Variants in CCDC68 observed in about 807,000 individuals in gnomAD.
The protein encoded by CCDC68 is coiled-coil domain containing 68.
Under a neutral mutation model 47.1 loss-of-function variants are expected in CCDC68, and 45 were observed. That is an observed-to-expected ratio of 0.96 (90% CI 0.75 to 1.23). CCDC68 has a LOEUF of 1.23. Ranked by LOEUF, CCDC68 falls within the 50% of genes most tolerant of loss-of-function variation. The pLI is 0.00. For synonymous variants in CCDC68, 131 were observed against 129.5 expected, an observed-to-expected ratio of 1.01 and a Z score of -0.08; for missense variants, 353 against 373.6, an observed-to-expected ratio of 0.94 and a Z score of 0.45.
intron 1 of CCDC68, among the ~76,000 whole-genome samples, chr18:54,947,027 C>T (rs528213190): frequency 1.3e-5 from 2 of 152,282 alleles, no homozygotes; most frequent in African/African-American, 4.8e-5. Context: ...GTTCAGAAAA[C>T]TTTTGTACCC....
intron 10 of CCDC68, among the ~76,000 whole-genome samples, chr18:54,910,924 G>A (rs1194159250): frequency 6.6e-6 from 1 of 152,220 alleles, no homozygotes; most frequent in Non-Finnish European, 1.5e-5. Flanking sequence ...GGCAAGGGGG[G>A]CCTTCCAAGG....
chr18:54,921,329 C>T (rs2044056622), intron 8 of CCDC68, among the ~76,000 whole-genome samples: 1 of 152,066 alleles, frequency 6.6e-6, no homozygotes, highest in Non-Finnish European at 1.5e-5. Flanking sequence ...CACATGTACT[C>T]CCACAGGTAA....
intron 1 of CCDC68, among the ~76,000 whole-genome samples, chr18:54,957,621 A>ACTCT (rs1321489197): frequency 3.1e-5 from 3 of 97,410 alleles, no homozygotes; most frequent in African/African-American, 1.1e-4. Context: ...ACACACACAC[A>ACTCT]CACACACTCT....
In CCDC68 at chr18:54,942,666, C is replaced by T. The variant is rs375913308; in HGVS notation, c.117+9G>A. ...CATATCATACTAATGATTTCTGCTA[C>T]CCACATACCTTTTTCACATACTCGG... On this transcript the variant is annotated intron_variant, in intron 3 of 11. Coordinates refer to ENST00000591504, the MANE Select transcript of CCDC68 (RefSeq NM_025214.3). 263 of 1,465,694 alleles carry T rather than the reference C, an allele frequency of 1.8e-4. No individual in the cohort carries two copies. The highest frequency in any genetic ancestry group is 2.3e-4 in the Non-Finnish European group (239 of 1,056,074). The allele number at this position is 1,465,694 out of a possible 1,614,324, so 90.8% of individuals were successfully genotyped here. A position where few individuals can be genotyped will look rare whatever the true frequency, so the allele number is the denominator to read the frequency against.
rs753021522 is a variant in CCDC68, at chr18:54,941,103, C to T, written c.118-20G>A. ...TCGAATCTAGAGAAGGAAAACAAAA[C>T]CATTTGTTTCAAAGGCATTTAATGC... On this transcript the variant is annotated intron_variant, in intron 3 of 11. Coordinates refer to ENST00000591504, the MANE Select transcript of CCDC68 (RefSeq NM_025214.3). The T allele has an allele frequency of 6.4e-7, 1 of 1,550,940 alleles. No homozygotes were observed. Among genetic ancestry groups the T allele is most frequent in the Admixed American group, 1.7e-5 (1 of 57,976 alleles).
Position 54,919,258 on chromosome 18 carries a change from T to C in CCDC68, c.789+13A>G. The C allele has an allele frequency of 6.3e-7, 1 of 1,591,422 alleles. No individual in the cohort carries two copies. Reference sequence around the variant, plus strand: ...ATACTGTCTACCAGATAAATACACTTGATTAATCTGACCTCCTGGATGACA... The same window carrying C: ...ATACTGTCTACCAGATAAATACACTCGATTAATCTGACCTCCTGGATGACA... On this transcript the variant is annotated intron_variant, in intron 9 of 11. Transcript: ENST00000591504.
At chr18:54,926,170 C>T (rs969503681) in intron 8 of CCDC68, among the ~76,000 whole-genome samples, 4 of 152,186 alleles carry the variant, frequency 2.6e-5, no homozygotes, top group Non-Finnish European at 5.9e-5. Context: ...ATTTTTACAG[C>T]TCCCTGTATT....
At position 54,941,091 on chromosome 18, in the gene CCDC68, AGG is replaced by A; in HGVS notation, c.118-10_118-9del. On this transcript the variant is annotated splice_polypyrimidine_tract_variant and intron_variant, in intron 3 of 11. Transcript: ENST00000591504. ...TTGCAGAGTAGTTCGAATCTAGAGAAGGAAAACAAAACCATTTGTTTCAAAGG... is the reference window on the plus strand; with the variant it reads ...TTGCAGAGTAGTTCGAATCTAGAGAAAAAACAAAACCATTTGTTTCAAAGG... 2 of 1,602,736 alleles carry A rather than the reference AGG, an allele frequency of 1.2e-6. No individual in the cohort carries two copies. The highest frequency in any genetic ancestry group is 1.7e-5 in the Admixed American group (1 of 58,862).
At chr18:54,946,532 T>C (rs1337441979) in intron 1 of CCDC68, among the ~76,000 whole-genome samples, 1 of 152,232 alleles carries the variant, frequency 6.6e-6, no homozygotes, top group African/African-American at 2.4e-5. Context: ...TAACAAATCA[T>C]AAGAGGCATT....
At chr18:54,915,055 A>G (rs1461270623) in intron 10 of CCDC68, among the ~76,000 whole-genome samples, 1 of 152,238 alleles carries the variant, frequency 6.6e-6, no homozygotes, top group Non-Finnish European at 1.5e-5. Context: ...TGGGCACTTA[A>G]TTAGATATGA....
rs1161626425 is a variant in CCDC68, at chr18:54,936,931, C to T, written c.373G>A (p.Ala125Thr). The stretch of plus-strand genomic sequence containing the variant: ...CTCTGGGCCACGTTTCTCAGAGCTG[C>T]TGCTCCTGCTTCTCTGGAGGCTTGC... ...KLQASREAGA[A>T]ALRNVAQRLF... Residue 125 changes from alanine to threonine, a missense_variant, in exon 6 of 12, where the codon GCA becomes ACA. Transcript: ENST00000591504. The T allele has an allele frequency of 9.3e-6, 15 of 1,613,996 alleles. No homozygotes were observed. Among genetic ancestry groups the T allele is most frequent in the Non-Finnish European group, 1.3e-5 (15 of 1,180,016 alleles).
At chr18:54,957,659 A>G (rs112759261) in intron 1 of CCDC68, among the ~76,000 whole-genome samples, 2,731 of 104,326 alleles carry the variant, frequency 0.026, 79 homozygotes, top group African/African-American at 0.08. Context: ...TCTCTCTCTC[A>G]TTTTCCAAAC....
At chr18:54,948,588 C>T (rs1217402245) in intron 1 of CCDC68, among the ~76,000 whole-genome samples, 3 of 152,152 alleles carry the variant, frequency 2.0e-5, no homozygotes, top group Non-Finnish European at 4.4e-5. Context: ...AGAGTGTTTC[C>T]TTTCTTTACT....
intron 1 of CCDC68, among the ~76,000 whole-genome samples, chr18:54,946,392 T>G (rs1231460786): frequency 6.6e-6 from 1 of 152,118 alleles, no homozygotes; most frequent in Admixed American, 6.5e-5. Context: ...AGTGGGAAAA[T>G]AGAGGCAAGC....
chr18:54,904,260 A>C lies in CCDC68; in HGVS notation c.*98T>G. The C allele has an allele frequency of 1.1e-6, 1 of 913,798 alleles. No individual in the cohort carries two copies. The highest frequency in any genetic ancestry group is 1.8e-6 in the Non-Finnish European group (1 of 563,836). 56.6% of individuals were successfully genotyped at this position (913,798 alleles called of 1,614,324 possible). A position where few individuals can be genotyped will look rare whatever the true frequency, so the allele number is the denominator to read the frequency against. ...GGTATGTAATAAGTTCCATTTAAAT[A>C]ATGGCATTTTGCCATTTTAACATGA... On this transcript the variant is annotated 3_prime_UTR_variant, in exon 12 of 12. Transcript: ENST00000591504.
intron 1 of CCDC68, chr18:54,957,918 T>C (rs889065582): frequency 2.6e-5 from 4 of 152,214 alleles, no homozygotes; most frequent in African/African-American, 9.6e-5. Flanking sequence ...TTTTTCAGGT[T>C]TGTCTAAATC....
chr18:54,922,669 A>G (rs1040845295), intron 8 of CCDC68, among the ~76,000 whole-genome samples: 1 of 152,094 alleles, frequency 6.6e-6, no homozygotes, highest in African/African-American at 2.4e-5. Flanking sequence ...CCTGGCCAAC[A>G]TGGCAAAATC....
chr18:54,909,572 T>C (rs1169380382), intron 10 of CCDC68, among the ~76,000 whole-genome samples: 1 of 152,236 alleles, frequency 6.6e-6, no homozygotes, highest in African/African-American at 2.4e-5. Context: ...TGTGAACTAC[T>C]GGCCTAGGTC....
At chr18:54,916,816 C>T (rs1378598886) in intron 10 of CCDC68, among the ~76,000 whole-genome samples, 1 of 152,196 alleles carries the variant, frequency 6.6e-6, no homozygotes, top group East Asian at 1.9e-4. Context: ...CCTCACCTGT[C>T]AAGGGCAGGG....
Sources: allele counts gnomAD v4.1 joint callset (sites outside exome capture counted in the v4.1 genomes callset), GRCh38; gene constraint gnomAD v4.1.1; transcripts MANE v1.5; gene names NCBI Gene and HGNC (gene_info 2026-07-23, HGNC 2026-07-21).